Variants in CDK14 observed in about 807,000 individuals in gnomAD.
CDK14 encodes the protein cyclin dependent kinase 14, also known as cyclin-dependent kinase 14.
In CDK14, 34 loss-of-function variants were observed where a neutral mutation model predicts 60.7. The observed-to-expected ratio is 0.56, with a 90% CI of 0.43 to 0.75. The LOEUF is 0.75. CDK14 is among the 30% of genes least tolerant of loss of function. The pLI is 0.00. For missense variants in CDK14, 482 were observed against 564.1 expected (o/e 0.85, Z 1.47); for synonymous variants, 197 against 203.7 (o/e 0.97, Z 0.28).
chr7:90,709,818 C>T (rs528120096), intron 2 of CDK14: 253 of 1,415,880 alleles, frequency 1.8e-4, no homozygotes, highest in South Asian at 1.3e-3. Flanking sequence ...GGTTGTAGTA[C>T]GGCCGTACCA....
intron 6 of CDK14, 32 bp from the exon 7 acceptor site, chr7:90,899,259 G>A (rs757328135): frequency 1.3e-6 from 2 of 1,518,276 alleles, no homozygotes; most frequent in Non-Finnish European, 1.8e-6. Context: ...TAGCCAGAGG[G>A]TTATTAATAC....
intron 5 of CDK14, among the ~76,000 whole-genome samples, chr7:90,819,319 G>T (rs987367162): frequency 1.3e-5 from 2 of 152,156 alleles, no homozygotes; most frequent in African/African-American, 4.8e-5. Context: ...ATGTGATCCA[G>T]AAGGTATCTA....
chr7:91,194,192 A>C (rs1802460565), intron 14 of CDK14, among the ~76,000 whole-genome samples: 1 of 152,228 alleles, frequency 6.6e-6, no homozygotes, highest in Non-Finnish European at 1.5e-5. Context: ...ATATCATGTA[A>C]ATCCAAGCAT....
At chr7:90,692,793 G>A (rs1419170192) in intron 2 of CDK14, 2 of 319,268 alleles carry the variant, frequency 6.3e-6, no homozygotes, top group African/African-American at 4.5e-5. Flanking sequence ...GGTTGGGTGT[G>A]GTGGTTCATG....
intron 10 of CDK14, among the ~76,000 whole-genome samples, chr7:90,989,163 T>G (rs1255925434): frequency 6.6e-6 from 1 of 152,132 alleles, no homozygotes; most frequent in East Asian, 1.9e-4. Flanking sequence ...CTGTCCTTGT[T>G]TCCTCCACAT....
At chr7:91,112,215 A>T (rs575630918) in intron 12 of CDK14, among the ~76,000 whole-genome samples, 1 of 152,300 alleles carries the variant, frequency 6.6e-6, no homozygotes, top group East Asian at 1.9e-4. Flanking sequence ...CATAGATTCT[A>T]TTAACAAATT....
chr7:91,036,065 G>A (rs1018326146), intron 10 of CDK14, among the ~76,000 whole-genome samples: 4 of 152,066 alleles, frequency 2.6e-5, no homozygotes, highest in Admixed American at 6.5e-5. Context: ...GGATGGTCTC[G>A]ATCTCCTGAC....
chr7:90,978,538 T>A (rs1795138985), intron 9 of CDK14, among the ~76,000 whole-genome samples: 1 of 152,174 alleles, frequency 6.6e-6, no homozygotes, highest in African/African-American at 2.4e-5. Flanking sequence ...CTTCCAAGCA[T>A]GATATAATGC....
rs1796953673 is a variant in CDK14 at position 91,037,071 on chromosome 7, A to G, written c.1042-8826A>G. 2.0e-5 allele frequency among the ~76,000 whole-genome samples: 3 copies of G among 152,224 alleles called. No individual in the cohort carries two copies. The South Asian group carries it at 6.2e-4, about 32-fold the overall frequency. On this transcript the variant is annotated intron_variant, in intron 10 of 14. Transcript: ENST00000380050. ...AGTTTTTATTCAGCTAAAAACCACA[A>G]GTCTTTTTTTATGCAGCTTGCTGCA... is the stretch of plus-strand genomic sequence containing the variant.
intron 5 of CDK14, among the ~76,000 whole-genome samples, chr7:90,840,161 C>G (rs1790243766): frequency 1.3e-5 from 2 of 152,182 alleles, no homozygotes; most frequent in South Asian, 2.1e-4. Flanking sequence ...AAGATGTTCT[C>G]TACTCCTGTC....
At chr7:90,809,078 C>T (rs573670606) in intron 5 of CDK14, among the ~76,000 whole-genome samples, 32 of 151,980 alleles carry the variant, frequency 2.1e-4, no homozygotes, top group South Asian at 6.3e-4. Context: ...AGAAAGTTAA[C>T]GAGGATATCC....
At chr7:90,765,258 T>G (rs538038335) in intron 4 of CDK14, among the ~76,000 whole-genome samples, 1 of 152,348 alleles carries the variant, frequency 6.6e-6, no homozygotes, top group East Asian at 1.9e-4. Flanking sequence ...AAAGTTATTT[T>G]TTTTTTACTA....
At chr7:90,924,756 A>C (rs1017933588) in intron 8 of CDK14, among the ~76,000 whole-genome samples, 9 of 152,116 alleles carry the variant, frequency 5.9e-5, no homozygotes, top group Non-Finnish European at 1.2e-4. Context: ...TAATACCACC[A>C]GTTCAATATT....
At chr7:90,682,258 TAA>T (rs556995009) in intron 2 of CDK14, among the ~76,000 whole-genome samples, 2 of 152,160 alleles carry the variant, frequency 1.3e-5, no homozygotes, top group African/African-American at 2.4e-5. Flanking sequence ...TATAAATATC[TAA>T]AAAAAGACTT....
chr7:91,015,771 T>C (rs1167587842), intron 10 of CDK14, among the ~76,000 whole-genome samples: 1 of 151,446 alleles, frequency 6.6e-6, no homozygotes, highest in Non-Finnish European at 1.5e-5. Flanking sequence ...TGGGTATGAA[T>C]CAGTTCTGTG....
chr7:90,679,037 TC>T (rs1182352245), intron 2 of CDK14, among the ~76,000 whole-genome samples: 5 of 152,102 alleles, frequency 3.3e-5, no homozygotes, highest in Admixed American at 6.6e-5. Context: ...TCAGCCTCAG[TC>T]TCCCAGGCTC....
Position 91,178,743 on chromosome 7 carries a change from C to A in CDK14, c.*29-28422C>A, listed in dbSNP as rs550798863. ...CACTGGCCATCAGAGAAATGCAAAT[C>A]AAAACCACTATTAGATACCATCTCA... On this transcript the variant is annotated intron_variant, in intron 14 of 14. Transcript: ENST00000380050. Among the ~76,000 whole-genome samples the A allele has an allele frequency of 3.3e-5, 5 of 151,382 alleles. No homozygotes were observed. In the South Asian group the frequency reaches 1.1e-3, roughly 32 times the overall value.
chr7:91,016,860 C>T (rs149196213), intron 10 of CDK14, among the ~76,000 whole-genome samples: 119 of 152,268 alleles, frequency 7.8e-4, no homozygotes, highest in African/African-American at 2.6e-3. Context: ...ACTTCGCATA[C>T]ACCAGTGAAG....
intron 14 of CDK14, 94 bp downstream of exon 14, chr7:91,118,302 A>G (rs1799673637): frequency 1.6e-6 from 1 of 613,174 alleles, no homozygotes; most frequent in African/African-American, 1.8e-5. Flanking sequence ...TTCACCAACT[A>G]TCCTATGAGT....
Sources: gnomAD v4.1 joint callset for allele counts (sites outside exome capture counted in the v4.1 genomes callset) on GRCh38, gnomAD v4.1.1 for gene constraint, MANE v1.5 for transcripts, NCBI Gene and HGNC (gene_info 2026-07-23, HGNC 2026-07-21) for gene names.